The following RIC3 variants were observed in gnomAD, a reference collection of about 807,000 sequenced individuals.
RIC3 encodes RIC3 acetylcholine receptor chaperone, also known as protein RIC-3.
A neutral mutation model predicts 27.3 loss-of-function variants in RIC3; 28 were observed. The observed-to-expected ratio is 1.02, with a 90% CI of 0.76 to 1.41. RIC3 has a LOEUF of 1.41. Ranked by LOEUF, RIC3 falls within the 40% of genes most tolerant of loss-of-function variation. The probability of loss-of-function intolerance (pLI) is 0.00; values close to 1 mark genes in which losing one functional copy is unlikely to be tolerated. For synonymous variants in RIC3, 184 were observed against 160.4 expected (o/e 1.15, Z -1.11); for missense variants, 501 against 444.7 (o/e 1.13, Z -1.14).
At chr11:8,132,956 A>G (rs879649227) in intron 4 of RIC3, among the ~76,000 whole-genome samples, 1 of 152,196 alleles carries the variant, frequency 6.6e-6, no homozygotes, top group Non-Finnish European at 1.5e-5. Flanking sequence ...ATGTAGAAAC[A>G]TGGTGCTATG....
chr11:8,094,197 C>T, the RIC3 span: 8 of 1,608,384 alleles, frequency 5.0e-6, no homozygotes, highest in South Asian at 8.9e-5. Flanking sequence ...AAGGTCAGCT[C>T]ACATTCTCTA....
In RIC3 at chr11:8,139,816, C is replaced by T. The variant is rs1354152387; in HGVS notation, c.351+151G>A. 4.3e-6 allele frequency: 3 copies of T among 692,506 alleles called. No individual in the cohort carries two copies. The Admixed American group carries it at 8.9e-5, about 21-fold the overall frequency. 42.9% of individuals were successfully genotyped at this position (692,506 alleles called of 1,614,324 possible). ...TATGTGAAACTGAAATAATGGCTAT[C>T]CTAAGTACCTCATGAAGAGGAGGCA... is the stretch of plus-strand genomic sequence containing the variant. On this transcript the variant is annotated intron_variant, in intron 2 of 5. Transcript: ENST00000309737.
chr11:8,130,528 G>A (rs538927990), intron 4 of RIC3, among the ~76,000 whole-genome samples: 18 of 152,170 alleles, frequency 1.2e-4, no homozygotes, highest in African/African-American at 4.1e-4. Context: ...AGCCAGAGTT[G>A]GCTGTCTGCA....
intron 1 of RIC3, among the ~76,000 whole-genome samples, chr11:8,162,629 CTTTTTTTTTTTTT>C (rs757717970): frequency 3.6e-5 from 3 of 83,706 alleles, no homozygotes; most frequent in Non-Finnish European, 2.4e-5. Flanking sequence ...CATGCTTCTT[CTTTTTTTTTTTTT>C]TTTTTTTTTT....
intron 1 of RIC3, among the ~76,000 whole-genome samples, chr11:8,143,228 A>T (rs376092632): frequency 6.6e-6 from 1 of 151,220 alleles, no homozygotes; most frequent in African/African-American, 2.4e-5. Context: ...GGAAAAGAGG[A>T]AGTCAAATTG....
intron 1 of RIC3, among the ~76,000 whole-genome samples, chr11:8,157,206 A>G (rs547120735): frequency 1.3e-5 from 2 of 152,240 alleles, no homozygotes; most frequent in African/African-American, 4.8e-5. Context: ...ACACTGTCCA[A>G]GCCACTAAAT....
At chr11:8,096,723 G>A in the RIC3 span, 1 of 1,614,010 alleles carries the variant, frequency 6.2e-7, no homozygotes. Context: ...GGATGAGGAG[G>A]ATGAGGAGGA....
chr11:8,124,502 C>T (rs1400238022), intron 5 of RIC3, among the ~76,000 whole-genome samples: 1 of 152,174 alleles, frequency 6.6e-6, no homozygotes, highest in Non-Finnish European at 1.5e-5. Context: ...CAATCAAAAT[C>T]CCATCAGGCT....
rs1944638381 is a variant in RIC3 at position 8,106,283 on chromosome 11, T to C, written c.*4415A>G. 6.6e-6 allele frequency: 1 copy of C among 152,182 alleles called. No homozygotes were observed. Among genetic ancestry groups the C allele is most frequent in the African/African-American group, 2.4e-5 (1 of 41,446 alleles). 9.4% of individuals were successfully genotyped at this position (152,182 alleles called of 1,614,324 possible). On this transcript the variant is annotated 3_prime_UTR_variant, in exon 6 of 6. Coordinates refer to ENST00000309737, the MANE Select transcript of RIC3 (RefSeq NM_001206671.4). ...TTTCATAAAGGGGAAAAAAGCCCTG[T>C]TTACTTCCTAATTTTTTTCTATACC...
the RIC3 span, chr11:8,096,675 C>T: frequency 1.3e-6 from 2 of 1,569,344 alleles, no homozygotes; most frequent in Middle Eastern, 1.7e-4. Flanking sequence ...TTCTTCTCTC[C>T]TTGGCCCAGG....
At chr11:8,096,629 C>A in the RIC3 span, 1 of 1,186,280 alleles carries the variant, frequency 8.4e-7, no homozygotes, top group Non-Finnish European at 1.3e-6. Flanking sequence ...ATGTGTATTT[C>A]AGGGGCAGCG....
chr11:8,111,276 A>G (rs1029734374), intron 5 of RIC3, 139 bp from the exon 6 acceptor site: 9 of 661,642 alleles, frequency 1.4e-5, no homozygotes, highest in African/African-American at 7.3e-5. Flanking sequence ...TAAGATTCCA[A>G]TAGTTCTAAA....
chr11:8,125,873 T>C (rs1375239713), intron 5 of RIC3, among the ~76,000 whole-genome samples: 2 of 152,148 alleles, frequency 1.3e-5, no homozygotes, highest in African/African-American at 4.8e-5. Context: ...ACTCCGTCTC[T>C]ACTAAAAATA....
rs765100783 is a variant in RIC3 at position 8,126,709 on chromosome 11, A to G, written c.620T>C (p.Phe207Ser). Residue 207 changes from phenylalanine (F) to serine (S), a missense_variant, in exon 5 of 6, where the codon TTT (phenylalanine) becomes TCT (serine). Transcript: ENST00000309737. ...CTCCTCAGCTTCTTTCTCTGGAGAAAATCTGTCAATGAATTTTCCTTCTTT... is the reference window on the plus strand; with the variant it reads ...CTCCTCAGCTTCTTTCTCTGGAGAAGATCTGTCAATGAATTTTCCTTCTTT... ...VMKEGKFIDRFSPEKEAEEAP... is the reference protein window; with the variant it reads ...VMKEGKFIDRSSPEKEAEEAP... 7 of 1,614,048 alleles carry G rather than the reference A, an allele frequency of 4.3e-6. No homozygotes were observed. The highest frequency in any genetic ancestry group is 1.7e-5 in the Admixed American group (1 of 60,016).
intron 5 of RIC3, among the ~76,000 whole-genome samples, chr11:8,113,121 G>T (rs1229620667): frequency 6.6e-6 from 1 of 152,178 alleles, no homozygotes; most frequent in Non-Finnish European, 1.5e-5. Context: ...GCTAGGTAAA[G>T]TGGAGCTTAG....
the RIC3 span, chr11:8,100,581 G>A: frequency 1.2e-6 from 2 of 1,614,118 alleles, no homozygotes; most frequent in South Asian, 1.1e-5. Flanking sequence ...TCATGAGAGA[G>A]TCTCTATCCG....
intron 5 of RIC3, among the ~76,000 whole-genome samples, chr11:8,113,071 G>A (rs560682798): frequency 8.5e-4 from 130 of 152,306 alleles, no homozygotes; most frequent in African/African-American, 3.0e-3. Context: ...TTTTGCCAAT[G>A]CAGTCTTTAT....
rs765091145 is a variant in RIC3, at chr11:8,140,170, T to C, written c.148A>G (p.Met50Val). The C allele has an allele frequency of 1.8e-5, 29 of 1,612,992 alleles. No individual in the cohort carries two copies. Among genetic ancestry groups the C allele is most frequent in the Middle Eastern group, 3.3e-4 (2 of 6,054 alleles). The change falls in exon 2 of 6, where the codon ATG becomes GTG. Residue 50 changes from methionine (M) to valine (V), a missense_variant. Transcript: ENST00000309737. ...PEGKLGRFPPMMHHHQAPSDG... is the reference protein window; with the variant it reads ...PEGKLGRFPPVMHHHQAPSDG... Reference sequence around the variant, plus strand: ...GAGGGTGCCTGGTGATGATGCATCATAGGTGGAAATCGGCCCAATTTTCCT... The same window carrying C: ...GAGGGTGCCTGGTGATGATGCATCACAGGTGGAAATCGGCCCAATTTTCCT...
chr11:8,161,202 T>C (rs1035857837), intron 1 of RIC3, among the ~76,000 whole-genome samples: 2 of 152,190 alleles, frequency 1.3e-5, no homozygotes, highest in Non-Finnish European at 2.9e-5. Flanking sequence ...TAGCTACCTG[T>C]AGAGATATTT....
Sources: allele counts gnomAD v4.1 joint callset (sites outside exome capture counted in the v4.1 genomes callset), GRCh38; gene constraint gnomAD v4.1.1; transcripts MANE v1.5; gene names NCBI Gene and HGNC (gene_info 2026-07-23, HGNC 2026-07-21).